FMNL2: variants seen among roughly 807,000 people sequenced by gnomAD.
FMNL2 encodes the protein formin-like protein 2.
A neutral mutation model predicts 130.2 loss-of-function variants in FMNL2; 51 were observed. That is an observed-to-expected ratio of 0.39 (90% CI 0.31 to 0.49). The LOEUF is 0.49. FMNL2 is among the 20% of genes least tolerant of loss of function. FMNL2 has a pLI of 0.85. For missense variants in FMNL2, 977 were observed against 1,316.2 expected, an observed-to-expected ratio of 0.74 and a Z score of 3.99; for synonymous variants, 465 against 467.1, an observed-to-expected ratio of 1.00 and a Z score of 0.06.
At chr2:152,598,982 T>C (rs1558996045) in intron 9 of FMNL2, among the ~76,000 whole-genome samples, 1 of 152,190 alleles carries the variant, frequency 6.6e-6, no homozygotes, top group Non-Finnish European at 1.5e-5. Context: ...TTATGGAGTC[T>C]GAAGGCCTGA....
intron 18 of FMNL2, 120 bp from the exon 19 acceptor site, chr2:152,629,524 AGACTCTCACCAT>A: frequency 1.3e-6 from 1 of 746,608 alleles, no homozygotes; most frequent in Non-Finnish European, 2.2e-6. Context: ...TAGAAAAAGT[AGACTCTCACCAT>A]GAAGCCTGTA....
chr2:152,443,341 A>G (rs1688164680), intron 1 of FMNL2, among the ~76,000 whole-genome samples: 1 of 152,148 alleles, frequency 6.6e-6, no homozygotes, highest in Non-Finnish European at 1.5e-5. Flanking sequence ...CACTTTGGGA[A>G]CCATCAGTTT....
At chr2:152,454,707 A>G (rs1688855599) in intron 1 of FMNL2, among the ~76,000 whole-genome samples, 1 of 152,190 alleles carries the variant, frequency 6.6e-6, no homozygotes. Context: ...CATTAAGATC[A>G]AGGCCTAGTT....
At chr2:152,482,574 C>CA (rs1579775676) in intron 1 of FMNL2, among the ~76,000 whole-genome samples, 1 of 152,186 alleles carries the variant, frequency 6.6e-6, no homozygotes, top group East Asian at 1.9e-4. Context: ...GTTCTAGACT[C>CA]AAACTTTTTG....
chr2:152,518,934 A>G (rs762477045), intron 1 of FMNL2, among the ~76,000 whole-genome samples: 6 of 152,210 alleles, frequency 3.9e-5, no homozygotes, highest in African/African-American at 7.2e-5. Context: ...TTCAGATAAA[A>G]TATATTGACC....
Position 152,567,234 on chromosome 2 carries a change from G to A in FMNL2, c.596+6199G>A, listed in dbSNP as rs566994375. ...ACAAATGGAATATAATGAAAAATAA[G>A]AAAAATCAGGCTAATAGTGACTCTC... On this transcript the variant is annotated intron_variant, in intron 6 of 25. Coordinates refer to ENST00000288670, the MANE Select transcript of FMNL2 (RefSeq NM_052905.4). Among the ~76,000 whole-genome samples, 14 of 152,182 alleles carry A rather than the reference G, an allele frequency of 9.2e-5. No homozygotes were observed. The South Asian group carries it at 2.9e-3, about 32-fold the overall frequency.
chr2:152,630,431 G>T (rs190948436), intron 20 of FMNL2, among the ~76,000 whole-genome samples: 2 of 152,296 alleles, frequency 1.3e-5, no homozygotes, highest in East Asian at 3.9e-4. Context: ...ACTGCTTTTT[G>T]TAAGTACTTT....
rs1361400625 is a variant in FMNL2, at chr2:152,613,587, A to G, written c.1063-1264A>G. 2.6e-5 allele frequency among the ~76,000 whole-genome samples: 4 copies of G among 152,244 alleles called. No homozygotes were observed. In the South Asian group the frequency reaches 6.2e-4, roughly 24 times the overall value. The stretch of plus-strand genomic sequence containing the variant: ...TCCATTTTTCTGAAAATTTATGTAG[A>G]GTGGAATTTCTCTTAAAAATGTAAG... On this transcript the variant is annotated intron_variant, in intron 11 of 25. Transcript: ENST00000288670.
intron 1 of FMNL2, among the ~76,000 whole-genome samples, chr2:152,506,138 C>G (rs987656789): frequency 6.6e-6 from 1 of 152,172 alleles, no homozygotes; most frequent in Non-Finnish European, 1.5e-5. Flanking sequence ...AGGGAAATAT[C>G]TCGTTTTTAT....
intron 11 of FMNL2, among the ~76,000 whole-genome samples, chr2:152,613,302 G>A (rs957228501): frequency 5.9e-5 from 9 of 152,138 alleles, no homozygotes; most frequent in Non-Finnish European, 5.9e-5. Context: ...AATTCCTAGC[G>A]GTGTTTTGGG....
At chr2:152,622,145 C>G (rs1189456742) in intron 15 of FMNL2, among the ~76,000 whole-genome samples, 1 of 152,214 alleles carries the variant, frequency 6.6e-6, no homozygotes, top group Non-Finnish European at 1.5e-5. Flanking sequence ...TCACCTGAGA[C>G]AGGCTGCTGA....
At chr2:152,337,277 A>G (rs1231937789) in intron 1 of FMNL2, among the ~76,000 whole-genome samples, 1 of 152,092 alleles carries the variant, frequency 6.6e-6, no homozygotes, top group African/African-American at 2.4e-5. Context: ...TCCAGAGACA[A>G]ACGTTTTTCT....
chr2:152,550,160 G>A (rs1373013582), intron 4 of FMNL2, among the ~76,000 whole-genome samples: 1 of 152,172 alleles, frequency 6.6e-6, no homozygotes, highest in East Asian at 1.9e-4. Context: ...GTAAGGACTT[G>A]ATGTGGATTT....
intron 1 of FMNL2, among the ~76,000 whole-genome samples, chr2:152,492,866 C>T (rs1211647979): frequency 6.6e-6 from 1 of 151,968 alleles, no homozygotes; most frequent in Non-Finnish European, 1.5e-5. Flanking sequence ...AGAAAATAGC[C>T]GATATATTAT....
intron 1 of FMNL2, among the ~76,000 whole-genome samples, chr2:152,519,704 C>A (rs1314027242): frequency 1.3e-5 from 2 of 152,184 alleles, no homozygotes; most frequent in Admixed American, 1.3e-4. Flanking sequence ...GTCTATTTCC[C>A]TATGTTAAAT....
intron 1 of FMNL2, chr2:152,389,926 G>A (rs376675958): frequency 9.5e-5 from 103 of 1,081,344 alleles, no homozygotes; most frequent in African/African-American, 1.7e-4. Context: ...GCGGGTGGCC[G>A]GGCTGGCCAA....
chr2:152,448,460 G>A (rs972215277), intron 1 of FMNL2, among the ~76,000 whole-genome samples: 7 of 152,044 alleles, frequency 4.6e-5, no homozygotes, highest in Non-Finnish European at 1.0e-4. Flanking sequence ...TTAATTGTCG[G>A]GATAAGCATA....
chr2:152,371,388 C>T (rs944102274), intron 1 of FMNL2, among the ~76,000 whole-genome samples: 1 of 151,992 alleles, frequency 6.6e-6, no homozygotes, highest in African/African-American at 2.4e-5. Context: ...AATGTAATCC[C>T]TGCTGGGCGC....
At chr2:152,402,056 T>C (rs959599685) in intron 1 of FMNL2, among the ~76,000 whole-genome samples, 42 of 151,916 alleles carry the variant, frequency 2.8e-4, no homozygotes, top group Non-Finnish European at 5.1e-4. Flanking sequence ...TACAGGCACA[T>C]GCCACCCAGC....
Sources: gnomAD v4.1 joint callset for allele counts (sites outside exome capture counted in the v4.1 genomes callset) on GRCh38, gnomAD v4.1.1 for gene constraint, MANE v1.5 for transcripts, NCBI Gene and HGNC (gene_info 2026-07-23, HGNC 2026-07-21) for gene names.